The following NRG3 variants were observed in gnomAD, a reference collection of about 807,000 sequenced individuals.
The protein encoded by NRG3 is pro-neuregulin-3, membrane-bound isoform.
In NRG3, 31 loss-of-function variants were observed where a neutral mutation model predicts 66.9. The observed-to-expected ratio is 0.46, with a 90% CI of 0.35 to 0.63. NRG3 has a LOEUF of 0.63. Ranked by LOEUF, NRG3 falls within the 20% of genes least tolerant of loss-of-function variation. The probability of loss-of-function intolerance (pLI) is 0.00; values close to 1 mark genes in which losing one functional copy is unlikely to be tolerated. For synonymous variants in NRG3, 393 were observed against 359.4 expected (o/e 1.09, Z -1.06); for missense variants, 910 against 878.9 (o/e 1.04, Z -0.45).
At chr10:82,918,956 G>C (rs1846141418) in intron 4 of NRG3, among the ~76,000 whole-genome samples, 2 of 152,068 alleles carry the variant, frequency 1.3e-5, no homozygotes, top group South Asian at 4.1e-4. Context: ...AATCCTACCT[G>C]TTCTAGGTTT....
chr10:81,932,729 G>C (rs550159623), intron 1 of NRG3, among the ~76,000 whole-genome samples: 2 of 152,208 alleles, frequency 1.3e-5, no homozygotes, highest in African/African-American at 4.8e-5. Context: ...CCAGTTTTCA[G>C]TGTTGTTTTT....
At chr10:82,301,128 T>TG (rs2080379607) in intron 1 of NRG3, among the ~76,000 whole-genome samples, 1 of 152,236 alleles carries the variant, frequency 6.6e-6, no homozygotes, top group African/African-American at 2.4e-5. Flanking sequence ...GTTTTAACAG[T>TG]GGCGTGTGAC....
intron 1 of NRG3, among the ~76,000 whole-genome samples, chr10:82,313,955 A>G (rs7094425): frequency 0.14 from 21,137 of 152,156 alleles, 1,582 homozygotes; most frequent in East Asian, 0.24. Context: ...CCTGTCTTCT[A>G]TTAAAAAAGA....
intron 3 of NRG3, among the ~76,000 whole-genome samples, chr10:82,776,843 G>A (rs1445499245): frequency 6.6e-6 from 1 of 151,892 alleles, no homozygotes; most frequent in African/African-American, 2.4e-5. Flanking sequence ...TTACTGAATT[G>A]TCTATCTGTA....
chr10:82,133,929 AT>A (rs1192022949), intron 1 of NRG3, among the ~76,000 whole-genome samples: 1 of 151,982 alleles, frequency 6.6e-6, no homozygotes, highest in African/African-American at 2.4e-5. Context: ...AGCATATGTT[AT>A]TTTTTGGCTT....
At chr10:82,597,750 G>A (rs1246632178) in intron 2 of NRG3, among the ~76,000 whole-genome samples, 4 of 151,860 alleles carry the variant, frequency 2.6e-5, no homozygotes, top group South Asian at 4.2e-4. Context: ...GTGAAACCCC[G>A]TCTCTACGAA....
In NRG3 at chr10:82,822,941, G is replaced by A. The variant is rs189555595; in HGVS notation, c.1028-42470G>A. ...TCCTCAGTACTCTCAAGTATATAGCGGGGCTAACAGGCTGACTGCGGCTAA... is the reference window on the plus strand; with the variant it reads ...TCCTCAGTACTCTCAAGTATATAGCAGGGCTAACAGGCTGACTGCGGCTAA... On this transcript the variant is annotated intron_variant, in intron 3 of 8. Transcript: ENST00000372141. Among the ~76,000 whole-genome samples the A allele has an allele frequency of 2.8e-3, 432 of 152,250 alleles. 2 individuals carry two copies. The highest frequency in any genetic ancestry group is 3.9e-3 in the Non-Finnish European group (263 of 68,018).
chr10:81,885,108 A>G (rs543870566), intron 1 of NRG3, among the ~76,000 whole-genome samples: 1 of 152,208 alleles, frequency 6.6e-6, no homozygotes, highest in African/African-American at 2.4e-5. Flanking sequence ...TGATCTTTTT[A>G]ACTCTCTATT....
At chr10:82,631,443 C>A (rs1228821508) in intron 2 of NRG3, among the ~76,000 whole-genome samples, 1 of 152,156 alleles carries the variant, frequency 6.6e-6, no homozygotes, top group African/African-American at 2.4e-5. Context: ...CGGGATTCCA[C>A]CCTCTTCCGA....
At chr10:82,314,708 G>A (rs2081205880) in intron 1 of NRG3, among the ~76,000 whole-genome samples, 1 of 152,174 alleles carries the variant, frequency 6.6e-6, no homozygotes. Context: ...TACTCCAGAG[G>A]CTGAGGCAGG....
At chr10:82,020,796 C>T (rs2062023233) in intron 1 of NRG3, among the ~76,000 whole-genome samples, 1 of 152,082 alleles carries the variant, frequency 6.6e-6, no homozygotes, top group South Asian at 2.1e-4. Context: ...ATACATTCCT[C>T]AGTTTACTTA....
At chr10:82,884,428 G>A (rs1842563281) in intron 4 of NRG3, among the ~76,000 whole-genome samples, 1 of 152,212 alleles carries the variant, frequency 6.6e-6, no homozygotes, top group South Asian at 2.1e-4. Flanking sequence ...CATTCCTTGA[G>A]CCAAAAGAAA....
Position 82,398,526 on chromosome 10 carries a change from T to TGTGTGTGA in NRG3, c.953+39659_953+39660insTGTGTGAG, listed in dbSNP as rs373924370. ...GTGTGTGTGTGTGTGTGTGTGTGTG[T>TGTGTGTGA]GAGAGAGAGAGAGAGAGAGTATGAG... is the stretch of plus-strand genomic sequence containing the variant. On this transcript the variant is annotated intron_variant, in intron 2 of 8. Coordinates refer to ENST00000372141, the MANE Select transcript of NRG3 (RefSeq NM_001010848.4). Among the ~76,000 whole-genome samples the TGTGTGTGA allele has an allele frequency of 2.3e-4, 31 of 136,516 alleles. 1 individual carries two copies. Among genetic ancestry groups the TGTGTGTGA allele is most frequent in the African/African-American group, 7.9e-4 (27 of 34,156 alleles). The allele number at this position is 136,516 out of a possible 152,430, so 89.6% of individuals were successfully genotyped here.
At chr10:82,200,399 A>T (rs2074732224) in intron 1 of NRG3, among the ~76,000 whole-genome samples, 1 of 152,152 alleles carries the variant, frequency 6.6e-6, no homozygotes, top group Non-Finnish European at 1.5e-5. Flanking sequence ...TGTTGAATTG[A>T]AGCATTGACT....
At chr10:82,635,310 A>C (rs1590959700) in intron 2 of NRG3, among the ~76,000 whole-genome samples, 1 of 152,290 alleles carries the variant, frequency 6.6e-6, no homozygotes, top group South Asian at 2.1e-4. Context: ...CATAATCTAA[A>C]GACTCCAGCT....
intron 2 of NRG3, among the ~76,000 whole-genome samples, chr10:82,675,045 G>A (rs1420373291): frequency 2.0e-5 from 3 of 151,638 alleles, no homozygotes; most frequent in Admixed American, 6.6e-5. Context: ...TGCAACCTCC[G>A]CCTCCTGGGT....
chr10:81,895,131 C>T (rs1233957377), intron 1 of NRG3, among the ~76,000 whole-genome samples: 1 of 152,084 alleles, frequency 6.6e-6, no homozygotes, highest in Admixed American at 6.5e-5. Flanking sequence ...GTTGGTCGGG[C>T]TACACATGCC....
intron 2 of NRG3, among the ~76,000 whole-genome samples, chr10:82,646,951 CTTT>C (rs11442150): frequency 7.6e-6 from 1 of 130,960 alleles, no homozygotes. Flanking sequence ...TTTTGCATTT[CTTT>C]TTTTTTTTTT....
chr10:82,795,372 C>G (rs1020461854), intron 3 of NRG3, among the ~76,000 whole-genome samples: 8 of 152,132 alleles, frequency 5.3e-5, no homozygotes, highest in East Asian at 3.9e-4. Context: ...TGTTACAGAG[C>G]TAATGTCTTT....
Sources: gnomAD v4.1 joint callset for allele counts (sites outside exome capture counted in the v4.1 genomes callset) on GRCh38, gnomAD v4.1.1 for gene constraint, MANE v1.5 for transcripts, NCBI Gene and HGNC (gene_info 2026-07-23, HGNC 2026-07-21) for gene names.